The following KIF16B variants were observed in gnomAD, a reference collection of about 807,000 sequenced individuals.
KIF16B encodes the protein kinesin family member 16B.
Under a neutral mutation model 156.3 loss-of-function variants are expected in KIF16B, and 98 were observed. The ratio of observed to expected loss-of-function variants is 0.63; its 90% confidence interval spans 0.53 to 0.74. The LOEUF (loss-of-function observed/expected upper bound fraction) is 0.74, where lower values mean the gene tolerates loss of function less well. KIF16B is among the 30% of genes least tolerant of loss of function. KIF16B has a pLI of 0.00. For synonymous variants in KIF16B, 564 were observed against 583.7 expected (o/e 0.97, Z 0.49); for missense variants, 1,421 against 1,606.5 (o/e 0.88, Z 1.97).
At chr20:16,333,540 G>GT (rs1257275258) in intron 24 of KIF16B, among the ~76,000 whole-genome samples, 1 of 152,124 alleles carries the variant, frequency 6.6e-6, no homozygotes, top group Non-Finnish European at 1.5e-5. Flanking sequence ...TCATTTGAAG[G>GT]TTTTTTAAAA....
At chr20:16,534,760 G>C (rs370686875) in intron 1 of KIF16B, among the ~76,000 whole-genome samples, 1 of 152,012 alleles carries the variant, frequency 6.6e-6, no homozygotes, top group African/African-American at 2.4e-5. Flanking sequence ...ATCATGAAGA[G>C]AGCCCCAATG....
intron 1 of KIF16B, among the ~76,000 whole-genome samples, chr20:16,543,676 G>C (rs1453944382): frequency 2.0e-5 from 3 of 152,120 alleles, no homozygotes; most frequent in African/African-American, 7.2e-5. Context: ...CTTTCATGGG[G>C]AATTTTGGAT....
At chr20:16,474,224 G>A (rs115115970) in intron 12 of KIF16B, among the ~76,000 whole-genome samples, 1,590 of 152,080 alleles carry the variant, frequency 0.01, 33 homozygotes, top group African/African-American at 0.036. Flanking sequence ...TGTTGACCAC[G>A]CCCCCCTTTG....
intron 23 of KIF16B, among the ~76,000 whole-genome samples, chr20:16,345,873 G>C (rs1267781828): frequency 6.6e-6 from 1 of 152,228 alleles, no homozygotes; most frequent in Non-Finnish European, 1.5e-5. Context: ...GGTATTTTAA[G>C]TTATTTGCTC....
chr20:16,554,158 C>A (rs1374652521), intron 1 of KIF16B, among the ~76,000 whole-genome samples: 1 of 152,174 alleles, frequency 6.6e-6, no homozygotes, highest in Non-Finnish European at 1.5e-5. Flanking sequence ...GGACATGAAG[C>A]CTGCGGACCA....
intron 22 of KIF16B, among the ~76,000 whole-genome samples, chr20:16,360,724 G>T (rs888871847): frequency 6.6e-6 from 1 of 152,056 alleles, no homozygotes; most frequent in Non-Finnish European, 1.5e-5. Context: ...CAACAAATAC[G>T]CTATTTTTCC....
chr20:16,516,034 T>C lies in KIF16B; in HGVS notation c.232-370A>G, dbSNP rs79539327. 4.0e-3 allele frequency among the ~76,000 whole-genome samples: 610 copies of C among 152,116 alleles called. 1 individual carries two copies. The highest frequency in any genetic ancestry group is 0.014 in the African/African-American group (579 of 41,494). ...TATAAAGCTATTCATTCTATCAGAG[T>C]TTCCAGAAACAAAATACTCAAAACC... On this transcript the variant is annotated intron_variant, in intron 3 of 25. Coordinates refer to ENST00000354981, the MANE Select transcript of KIF16B (RefSeq NM_024704.5).
chr20:16,529,179 T>C (rs1409194552), intron 1 of KIF16B, among the ~76,000 whole-genome samples: 1 of 151,926 alleles, frequency 6.6e-6, no homozygotes, highest in Non-Finnish European at 1.5e-5. Context: ...AAAGGCTACC[T>C]AGGAAAAAAA....
At position 16,566,869 on chromosome 20, in the gene KIF16B, C is replaced by T. The variant is rs551186601; in HGVS notation, c.47+6360G>A. 3.9e-5 allele frequency among the ~76,000 whole-genome samples: 6 copies of T among 152,282 alleles called. No homozygotes were observed. In the South Asian group the frequency reaches 1.2e-3, roughly 32 times the overall value. On this transcript the variant is annotated intron_variant, in intron 1 of 25. Coordinates refer to ENST00000354981, the MANE Select transcript of KIF16B (RefSeq NM_024704.5). ...TATTTTATGTTAACTTAAATAGTCA[C>T]ATAGGTGGCCGACAGTTATACTGGC...
At chr20:16,542,715 TAGA>T (rs1386251181) in intron 1 of KIF16B, among the ~76,000 whole-genome samples, 2 of 152,090 alleles carry the variant, frequency 1.3e-5, no homozygotes, top group African/African-American at 2.4e-5. Flanking sequence ...GGAAACAAAG[TAGA>T]AGAAGAGGTC....
rs556480102 is a variant in KIF16B at position 16,416,450 on chromosome 20, T to C, written c.1613-9994A>G. On this transcript the variant is annotated intron_variant, in intron 15 of 25. Transcript: ENST00000354981. The stretch of plus-strand genomic sequence containing the variant: ...TATGGCTAGCCAGTTCTCTGAGCCA[T>C]TATTCTCAGCAAACTAACACAGGAA... Among the ~76,000 whole-genome samples, 15 of 152,220 alleles carry C rather than the reference T, an allele frequency of 9.9e-5. No homozygotes were observed. The East Asian group carries it at 2.9e-3, about 29-fold the overall frequency.
intron 3 of KIF16B, among the ~76,000 whole-genome samples, chr20:16,524,976 T>C (rs990981126): frequency 6.6e-6 from 1 of 151,944 alleles, no homozygotes; most frequent in African/African-American, 2.4e-5. Context: ...AGCTGAACAA[T>C]GAGAACAAAT....
chr20:16,439,592 G>C (rs965705387), intron 12 of KIF16B, among the ~76,000 whole-genome samples: 3 of 152,076 alleles, frequency 2.0e-5, no homozygotes, highest in African/African-American at 7.2e-5. Flanking sequence ...TTCTATTCGG[G>C]ACCAAAGACA....
chr20:16,369,225 C>T, intron 22 of KIF16B: 1 of 985,794 alleles, frequency 1.0e-6, no homozygotes, highest in Non-Finnish European at 1.2e-6. Flanking sequence ...CATCTCTGGG[C>T]AGAAGCGGGT....
intron 25 of KIF16B, among the ~76,000 whole-genome samples, chr20:16,287,211 G>T (rs752442189): frequency 1.3e-5 from 2 of 152,072 alleles, no homozygotes; most frequent in Non-Finnish European, 2.9e-5. Flanking sequence ...AGTTTCTTTG[G>T]TTTCTATTTA....
chr20:16,562,686 CAG>C (rs1400723038), intron 1 of KIF16B, among the ~76,000 whole-genome samples: 1 of 152,210 alleles, frequency 6.6e-6, no homozygotes, highest in Non-Finnish European at 1.5e-5. Flanking sequence ...GACTGGCTCT[CAG>C]AGAGTTTAAG....
intron 25 of KIF16B, among the ~76,000 whole-genome samples, chr20:16,299,043 C>G (rs2063433279): frequency 1.3e-5 from 2 of 152,118 alleles, no homozygotes; most frequent in East Asian, 1.9e-4. Context: ...GGCTTCAACA[C>G]TGACTGAATA....
intron 15 of KIF16B, among the ~76,000 whole-genome samples, chr20:16,420,254 G>C (rs1395944857): frequency 2.0e-5 from 3 of 152,050 alleles, no homozygotes; most frequent in African/African-American, 7.2e-5. Flanking sequence ...GTTTAAGGTG[G>C]GGAAACAGTT....
intron 12 of KIF16B, among the ~76,000 whole-genome samples, chr20:16,492,486 T>C (rs2068323627): frequency 6.6e-6 from 1 of 152,180 alleles, no homozygotes. Flanking sequence ...CTAGCATGCA[T>C]CACATTTTTC....
Sources: gnomAD v4.1 joint callset for allele counts (sites outside exome capture counted in the v4.1 genomes callset) on GRCh38, gnomAD v4.1.1 for gene constraint, MANE v1.5 for transcripts, NCBI Gene and HGNC (gene_info 2026-07-23, HGNC 2026-07-21) for gene names.